NUCB2: variants seen among roughly 807,000 people sequenced by gnomAD.
NUCB2 encodes nucleobindin 2.
Under a neutral mutation model 57.9 loss-of-function variants are expected in NUCB2, and 48 were observed. The observed-to-expected ratio is 0.83, with a 90% confidence interval of 0.66 to 1.05. The LOEUF is 1.05. NUCB2 is among the 50% of genes least tolerant of loss of function. The probability of loss-of-function intolerance (pLI) is 0.00; values close to 1 mark genes in which losing one functional copy is unlikely to be tolerated. For missense variants in NUCB2, 442 were observed against 476.2 expected (o/e 0.93, Z 0.67); for synonymous variants, 139 against 152.1 (o/e 0.91, Z 0.64).
downstream of NUCB2, among the ~76,000 whole-genome samples, chr11:17,337,065 T>G (rs1452156491): frequency 6.6e-6 from 1 of 152,048 alleles, no homozygotes; most frequent in African/African-American, 2.4e-5. Flanking sequence ...CTCAGCTTCC[T>G]GAATAGCTGG....
chr11:17,306,313 A>G (rs932101341), intron 5 of NUCB2, among the ~76,000 whole-genome samples: 8 of 152,226 alleles, frequency 5.3e-5, no homozygotes, highest in African/African-American at 1.9e-4. Context: ...AAATCTTGTT[A>G]GAAATGTAGA....
In NUCB2 at chr11:17,295,467, A is replaced by G; in HGVS notation, c.144A>G (p.Pro48=). The G allele has an allele frequency of 6.2e-7, 1 of 1,606,264 alleles. No individual in the cohort carries two copies. The highest frequency in any genetic ancestry group is 8.5e-7 in the Non-Finnish European group (1 of 1,175,408). Residue 48 remains proline (P), a splice_region_variant and synonymous_variant, in exon 3 of 14, where the codon CCA becomes CCG. Transcript: ENST00000529010. ...TGGAAAGTGCGAAGATAGAACCACC[A>G]GTAAGTGAAATGAAGTGAAATGGGA... The part of the protein sequence containing the change: ...HPVESAKIEP[P]DTGLYYDEYL...
intron 11 of NUCB2, among the ~76,000 whole-genome samples, chr11:17,324,063 T>C (rs1565458779): frequency 6.6e-6 from 1 of 152,194 alleles, no homozygotes; most frequent in Non-Finnish European, 1.5e-5. Context: ...CATTTATTTC[T>C]GCTCTGATCT....
chr11:17,279,520 G>T (rs914644629), intron 1 of NUCB2, among the ~76,000 whole-genome samples: 2 of 152,208 alleles, frequency 1.3e-5, no homozygotes, highest in Middle Eastern at 3.4e-3. Flanking sequence ...CCTTATATAC[G>T]CTATGTTTTT....
intron 11 of NUCB2, among the ~76,000 whole-genome samples, chr11:17,326,114 C>A (rs905792457): frequency 1.3e-5 from 2 of 151,650 alleles, no homozygotes; most frequent in Non-Finnish European, 2.9e-5. Flanking sequence ...GATTCTCATG[C>A]CTCAGCCTCC....
chr11:17,311,964 TTCTC>T lies in NUCB2; in HGVS notation c.819+40_819+43del, dbSNP rs777549341. ...GTTTATTAAGTATTCAGTGTTCTTG[TTCTC>T]TCTCTTTTTTTCCTGTTACTTTCTT... On this transcript the variant is annotated intron_variant, in intron 9 of 13. Transcript: ENST00000529010. 6.5e-6 allele frequency: 10 copies of T among 1,543,632 alleles called. No individual in the cohort carries two copies. The African/African-American group carries it at 9.7e-5, about 15-fold the overall frequency.
chr11:17,279,188 G>A (rs1465289303), intron 1 of NUCB2, among the ~76,000 whole-genome samples: 3 of 152,072 alleles, frequency 2.0e-5, no homozygotes, highest in Non-Finnish European at 4.4e-5. Context: ...GTGAAACTAC[G>A]TCTCAAAAAC....
At chr11:17,300,665 G>A (rs537948931) in intron 4 of NUCB2, among the ~76,000 whole-genome samples, 26 of 152,220 alleles carry the variant, frequency 1.7e-4, no homozygotes, top group African/African-American at 5.1e-4. Context: ...TTGTTTATCC[G>A]TTCATTAGTT....
chr11:17,278,787 T>TAAATGG (rs1461198909), intron 1 of NUCB2, among the ~76,000 whole-genome samples: 8 of 152,246 alleles, frequency 5.3e-5, no homozygotes, highest in Non-Finnish European at 1.0e-4. Flanking sequence ...GAATAATATG[T>TAAATGG]AAATTACTTT....
At chr11:17,343,040 T>C (rs1952415152) in intron 2 of NUCB2, among the ~76,000 whole-genome samples, 2 of 152,130 alleles carry the variant, frequency 1.3e-5, no homozygotes, top group Non-Finnish European at 2.9e-5. Context: ...GCTCTTCTTG[T>C]TGAATTGATC....
chr11:17,338,065 C>T (rs969771376), intron 2 of NUCB2, among the ~76,000 whole-genome samples: 7 of 152,168 alleles, frequency 4.6e-5, no homozygotes. Flanking sequence ...AGTCTAAGAA[C>T]TCAGCCAGAA....
In NUCB2 at chr11:17,285,738, C is replaced by T. The variant is rs1228410071; in HGVS notation, c.-1+2795C>T. Among the ~76,000 whole-genome samples, 6 of 122,718 alleles carry T rather than the reference C, an allele frequency of 4.9e-5. No homozygotes were observed. The East Asian group carries it at 9.6e-4, about 20-fold the overall frequency. The allele number at this position is 122,718 out of a possible 152,430, so 80.5% of individuals were successfully genotyped here. On this transcript the variant is annotated intron_variant, in intron 2 of 13. Coordinates refer to ENST00000529010, the MANE Select transcript of NUCB2 (RefSeq NM_005013.4). ...CAGCCTGGGTGACAGAGTGAGACTCCGTCTCAAAAAAAAAAAAAAAAAAAA... is the reference window on the plus strand; with the variant it reads ...CAGCCTGGGTGACAGAGTGAGACTCTGTCTCAAAAAAAAAAAAAAAAAAAA...
Position 17,324,778 on chromosome 11 carries a change from G to GTTTATTTA in NUCB2, c.1003-5348_1003-5347insTTATTTAT, listed in dbSNP as rs1256523913. Among the ~76,000 whole-genome samples the GTTTATTTA allele has an allele frequency of 5.9e-3, 756 of 128,996 alleles. 7 individuals are homozygous for GTTTATTTA. The highest frequency in any genetic ancestry group is 0.023 in the African/African-American group (735 of 32,274). The allele number at this position is 128,996 out of a possible 152,430, so 84.6% of individuals were successfully genotyped here. On this transcript the variant is annotated intron_variant, in intron 11 of 13. Transcript: ENST00000529010. Reference sequence around the variant, plus strand: ...TTGTGACCTAGCATATTGTCTATTTGTCTATTTATTTATTTATTTATTTAT... The same window carrying GTTTATTTA: ...TTGTGACCTAGCATATTGTCTATTTGTTTATTTATCTATTTATTTATTTATTTATTTAT...
chr11:17,293,561 T>A (rs1029984849), intron 2 of NUCB2, among the ~76,000 whole-genome samples: 1 of 152,174 alleles, frequency 6.6e-6, no homozygotes, highest in African/African-American at 2.4e-5. Context: ...ACCAAAAGAA[T>A]TGAAAACCTG....
At chr11:17,285,910 C>T (rs1280557326) in intron 2 of NUCB2, among the ~76,000 whole-genome samples, 1 of 149,666 alleles carries the variant, frequency 6.7e-6, no homozygotes. Flanking sequence ...GAAACCATCA[C>T]ACATACATGC....
intron 2 of NUCB2, among the ~76,000 whole-genome samples, chr11:17,289,197 A>G (rs1272919209): frequency 6.6e-6 from 1 of 152,012 alleles, no homozygotes; most frequent in Non-Finnish European, 1.5e-5. Flanking sequence ...ACCTCAACCA[A>G]TCTGCCTGCC....
intron 11 of NUCB2, among the ~76,000 whole-genome samples, chr11:17,328,468 AC>A: frequency 6.6e-6 from 1 of 152,206 alleles, no homozygotes; most frequent in East Asian, 1.9e-4. Flanking sequence ...CTAGCAATTT[AC>A]CTGATGTTCA....
At chr11:17,315,628 T>C (rs1949129329) in intron 11 of NUCB2, among the ~76,000 whole-genome samples, 153 bp downstream of exon 11, 1 of 152,244 alleles carries the variant, frequency 6.6e-6, no homozygotes. Flanking sequence ...ATGAACTTCA[T>C]TTCTTGGAAA....
chr11:17,313,604 C>T (rs1027891279), intron 10 of NUCB2, among the ~76,000 whole-genome samples: 1 of 152,136 alleles, frequency 6.6e-6, no homozygotes, highest in Admixed American at 6.5e-5. Context: ...TGCCTCATTT[C>T]TCTGTTTCTC....
Sources: gnomAD v4.1 joint callset for allele counts (sites outside exome capture counted in the v4.1 genomes callset) on GRCh38, gnomAD v4.1.1 for gene constraint, MANE v1.5 for transcripts, NCBI Gene and HGNC (gene_info 2026-07-23, HGNC 2026-07-21) for gene names.